ADGRL2: variants seen among roughly 807,000 people sequenced by gnomAD.
ADGRL2 encodes the protein adhesion G protein-coupled receptor L2.
A neutral mutation model predicts 157.4 loss-of-function variants in ADGRL2; 44 were observed. The ratio of observed to expected loss-of-function variants is 0.28; its 90% CI spans 0.22 to 0.36. The LOEUF (loss-of-function observed/expected upper bound fraction) is 0.36, where lower values mean the gene tolerates loss of function less well. ADGRL2 is among the 10% of genes least tolerant of loss of function. ADGRL2 has a pLI of 1.00. For synonymous variants in ADGRL2, 585 were observed against 624.7 expected (o/e 0.94, Z 0.95); for missense variants, 1,510 against 1,768.9 (o/e 0.85, Z 2.63).
intron 1 of ADGRL2, among the ~76,000 whole-genome samples, chr1:81,739,021 C>A (rs1306238180): frequency 6.6e-6 from 1 of 152,194 alleles, no homozygotes; most frequent in African/African-American, 2.4e-5. Context: ...GGTGCTTTTG[C>A]TTTTAGAAAG....
chr1:81,443,194 G>T (rs918423569), intron 1 of ADGRL2, among the ~76,000 whole-genome samples: 4 of 152,146 alleles, frequency 2.6e-5, no homozygotes, highest in African/African-American at 9.7e-5. Context: ...GCCAATGTGG[G>T]TGGATCACCT....
At chr1:81,865,485 C>T (rs1157714311) in intron 2 of ADGRL2, among the ~76,000 whole-genome samples, 1 of 152,086 alleles carries the variant, frequency 6.6e-6, no homozygotes, top group East Asian at 1.9e-4. Flanking sequence ...CTTCACTTAC[C>T]ACCATAGATG....
intron 2 of ADGRL2, among the ~76,000 whole-genome samples, chr1:81,545,926 C>G (rs1295091593): frequency 1.3e-5 from 2 of 152,172 alleles, no homozygotes; most frequent in Admixed American, 1.3e-4. Flanking sequence ...ACATGATGGT[C>G]TGTCAGCCTT....
chr1:81,894,577 A>T (rs2094341214), intron 2 of ADGRL2, among the ~76,000 whole-genome samples: 1 of 152,182 alleles, frequency 6.6e-6, no homozygotes, highest in Non-Finnish European at 1.5e-5. Flanking sequence ...CTGTGTTAGT[A>T]GTGACAATGT....
intron 13 of ADGRL2, among the ~76,000 whole-genome samples, chr1:81,967,216 T>G (rs1429667898): frequency 6.6e-6 from 1 of 150,896 alleles, no homozygotes; most frequent in Admixed American, 6.6e-5. Flanking sequence ...CAAAGAAAAA[T>G]AAATTTGTGT....
intron 1 of ADGRL2, among the ~76,000 whole-genome samples, chr1:81,383,662 TAAA>T (rs530939816): frequency 5.6e-5 from 8 of 141,952 alleles, no homozygotes; most frequent in Non-Finnish European, 6.1e-5. Flanking sequence ...ACTACTAGTT[TAAA>T]AAAAAAAAAA....
intron 1 of ADGRL2, among the ~76,000 whole-genome samples, chr1:81,358,447 T>G (rs1373735448): frequency 2.6e-5 from 4 of 152,162 alleles, no homozygotes; most frequent in Admixed American, 2.6e-4. Context: ...GTGTCCTAGA[T>G]TTTTGCTGTA....
intron 3 of ADGRL2, among the ~76,000 whole-genome samples, chr1:81,919,695 T>C (rs1407413097): frequency 1.3e-5 from 2 of 152,136 alleles, no homozygotes; most frequent in African/African-American, 4.8e-5. Context: ...AGTGTTCTTA[T>C]CATTAATTAA....
intron 1 of ADGRL2, among the ~76,000 whole-genome samples, chr1:81,399,840 A>T (rs969912623): frequency 6.6e-6 from 1 of 151,884 alleles, no homozygotes; most frequent in Non-Finnish European, 1.5e-5. Flanking sequence ...GTGGTATTGT[A>T]TTTCCTTGCT....
intron 1 of ADGRL2, among the ~76,000 whole-genome samples, chr1:81,709,539 C>CA (rs200304135): frequency 2.2e-3 from 303 of 137,332 alleles, no homozygotes; most frequent in East Asian, 0.017. Flanking sequence ...AAAGTAAACA[C>CA]AAAAAACAAA....
At chr1:81,846,987 G>GT (rs148126563) in intron 2 of ADGRL2, among the ~76,000 whole-genome samples, 34,546 of 143,690 alleles carry the variant, frequency 0.24, 5,148 homozygotes, top group East Asian at 0.67. Context: ...GTGTTTTGTT[G>GT]TTTTTTTTTT....
chr1:81,346,277 T>G (rs1662473749), intron 1 of ADGRL2, among the ~76,000 whole-genome samples: 2 of 152,226 alleles, frequency 1.3e-5, no homozygotes, highest in South Asian at 4.1e-4. Context: ...GTCACATTTT[T>G]GCAATTGCTA....
At chr1:81,538,244 G>A (rs2079793176) in intron 2 of ADGRL2, among the ~76,000 whole-genome samples, 1 of 152,134 alleles carries the variant, frequency 6.6e-6, no homozygotes, top group East Asian at 1.9e-4. Context: ...GCTCAAACAA[G>A]GTGCAGGTTA....
At chr1:81,523,139 A>G (rs941091263) in intron 2 of ADGRL2, among the ~76,000 whole-genome samples, 1 of 152,194 alleles carries the variant, frequency 6.6e-6, no homozygotes, top group African/African-American at 2.4e-5. Context: ...TTGCATAGAT[A>G]GAGACCCATA....
chr1:81,591,235 C>T (rs1046098906), intron 3 of ADGRL2, among the ~76,000 whole-genome samples: 2 of 152,196 alleles, frequency 1.3e-5, no homozygotes, highest in Non-Finnish European at 1.5e-5. Context: ...CTGTGAGCCA[C>T]ACATGTTCAG....
chr1:81,551,483 C>T (rs943852416), intron 2 of ADGRL2, among the ~76,000 whole-genome samples: 2 of 152,174 alleles, frequency 1.3e-5, no homozygotes, highest in Non-Finnish European at 2.9e-5. Context: ...CAAAGCAATG[C>T]ATGTTGCCTT....
intron 1 of ADGRL2, among the ~76,000 whole-genome samples, chr1:81,352,487 G>A (rs1000385935): frequency 6.6e-6 from 1 of 152,202 alleles, no homozygotes; most frequent in African/African-American, 2.4e-5. Context: ...AGGTCAGGCA[G>A]TGTGCTAGTT....
intron 1 of ADGRL2, among the ~76,000 whole-genome samples, chr1:81,403,800 T>A (rs564538400): frequency 0.016 from 578 of 35,916 alleles, 1 homozygote; most frequent in Middle Eastern, 0.042. Context: ...ATGTCTTTGA[T>A]TTTTTTTTTT....
intron 10 of ADGRL2, among the ~76,000 whole-genome samples, chr1:81,954,473 G>A (rs897077698): frequency 2.6e-5 from 4 of 152,118 alleles, no homozygotes; most frequent in African/African-American, 9.7e-5. Flanking sequence ...TTACAAATCA[G>A]AAGCTGACTT....
Sources: allele counts gnomAD v4.1 joint callset (sites outside exome capture counted in the v4.1 genomes callset), GRCh38; gene constraint gnomAD v4.1.1; transcripts MANE v1.5; gene names NCBI Gene and HGNC (gene_info 2026-07-23, HGNC 2026-07-21).